RASGRF2: variants seen among roughly 807,000 people sequenced by gnomAD.
RASGRF2 encodes ras-specific guanine nucleotide-releasing factor 2.
Under a neutral mutation model 151.0 loss-of-function variants are expected in RASGRF2, and 76 were observed. That is an observed-to-expected ratio of 0.50 (90% CI 0.42 to 0.61). The LOEUF is 0.61. Ranked by LOEUF, RASGRF2 falls within the 20% of genes least tolerant of loss-of-function variation. The pLI is 0.00. For synonymous variants in RASGRF2, 504 were observed against 566.5 expected, an observed-to-expected ratio of 0.89 and a Z score of 1.57; for missense variants, 1,148 against 1,564.6, an observed-to-expected ratio of 0.73 and a Z score of 4.49.
At chr5:81,053,969 G>A (rs1223519568) in intron 2 of RASGRF2, among the ~76,000 whole-genome samples, 1 of 152,168 alleles carries the variant, frequency 6.6e-6, no homozygotes, top group Non-Finnish European at 1.5e-5. Flanking sequence ...TTGTTGATGG[G>A]GTTGTTTGTT....
intron 12 of RASGRF2, chr5:81,096,245 A>G (rs1752545717): frequency 6.6e-6 from 1 of 152,192 alleles, no homozygotes; most frequent in South Asian, 2.1e-4. Flanking sequence ...GTGGACTTGC[A>G]TCCTTGTGGT....
At chr5:81,166,303 CAG>C (rs1227881300) in intron 17 of RASGRF2, among the ~76,000 whole-genome samples, 1 of 152,122 alleles carries the variant, frequency 6.6e-6, no homozygotes, top group Non-Finnish European at 1.5e-5. Context: ...TCTCCTGCCT[CAG>C]ACTCCCAAGT....
chr5:81,068,296 C>A, intron 3 of RASGRF2, 117 bp downstream of exon 3: 2 of 1,214,700 alleles, frequency 1.6e-6, no homozygotes, highest in Non-Finnish European at 2.3e-6. Flanking sequence ...CCTCTGACAT[C>A]AACACATACG....
At chr5:80,999,445 C>G (rs143085916) in intron 1 of RASGRF2, among the ~76,000 whole-genome samples, 6 of 152,114 alleles carry the variant, frequency 3.9e-5, no homozygotes, top group African/African-American at 1.4e-4. Context: ...TGGGCTCAGG[C>G]GATCCTTCCA....
rs144261713 is a variant in RASGRF2 at position 81,144,234 on chromosome 5, A to G, written c.2686+17071A>G. Among the ~76,000 whole-genome samples the G allele has an allele frequency of 2.1e-3, 314 of 152,348 alleles. 3 individuals are homozygous for G. Among genetic ancestry groups the G allele is most frequent in the Admixed American group, 0.015 (229 of 15,308 alleles). On this transcript the variant is annotated intron_variant, in intron 17 of 26. Transcript: ENST00000265080. ...TTAAATGTGGTAGTCAAAGTAATCTATGGAAACATACTGCTTTTATATGCT... is the reference window on the plus strand; with the variant it reads ...TTAAATGTGGTAGTCAAAGTAATCTGTGGAAACATACTGCTTTTATATGCT...
chr5:81,123,664 G>A lies in RASGRF2; in HGVS notation c.2493G>A (p.Ala831=), dbSNP rs760955938. 2.1e-5 allele frequency: 34 copies of A among 1,613,734 alleles called. No individual in the cohort carries two copies. The African/African-American group carries it at 2.3e-4, about 11-fold the overall frequency. Residue 831 remains alanine (A), a synonymous_variant, in exon 16 of 27, where the codon GCG becomes GCA. Transcript: ENST00000265080. The part of the protein sequence containing the change: ...IQKAVLESAP[A]DRAGVESSPA... The stretch of plus-strand genomic sequence containing the variant: ...CAGCAGTCCTAGAGTCTGCACCAGC[G>A]GACCGAGCAGGAGTGGAAAGCTCCC...
chr5:81,028,947 A>G (rs1482247278), intron 1 of RASGRF2, among the ~76,000 whole-genome samples: 1 of 152,062 alleles, frequency 6.6e-6, no homozygotes, highest in East Asian at 1.9e-4. Flanking sequence ...GACACTCCCA[A>G]CCTAACACTG....
intron 17 of RASGRF2, among the ~76,000 whole-genome samples, chr5:81,174,033 C>A (rs1754718729): frequency 6.6e-6 from 1 of 152,102 alleles, no homozygotes; most frequent in Admixed American, 6.5e-5. Context: ...ATAACTGAAA[C>A]CCATATGTGT....
intron 1 of RASGRF2, among the ~76,000 whole-genome samples, chr5:81,008,984 A>T (rs1285405174): frequency 1.3e-5 from 2 of 152,140 alleles, no homozygotes; most frequent in South Asian, 4.1e-4. Flanking sequence ...TGGACTCATG[A>T]TCTGGTTGGC....
At chr5:81,151,340 G>C (rs1475055091) in intron 17 of RASGRF2, among the ~76,000 whole-genome samples, 4 of 151,150 alleles carry the variant, frequency 2.6e-5, no homozygotes, top group South Asian at 2.1e-4. Flanking sequence ...ATTCAGGATA[G>C]AGTTGAAAGG....
intron 8 of RASGRF2, 120 bp from the exon 9 acceptor site, chr5:81,086,715 A>AC (rs1014364442): frequency 5.1e-6 from 4 of 777,974 alleles, no homozygotes; most frequent in Non-Finnish European, 4.1e-6. Flanking sequence ...TTTCCCCCAA[A>AC]CCCCCGGTTC....
chr5:81,051,151 A>G (rs571119175), intron 2 of RASGRF2, among the ~76,000 whole-genome samples: 13 of 152,234 alleles, frequency 8.5e-5, no homozygotes, highest in African/African-American at 2.9e-4. Context: ...AGCTCTTTGT[A>G]TGACAAAAAT....
intron 8 of RASGRF2, 137 bp from the exon 9 acceptor site, chr5:81,086,698 C>T (rs764259932): frequency 1.5e-6 from 1 of 674,070 alleles, no homozygotes; most frequent in Non-Finnish European, 2.5e-6. Context: ...TGGAAAGATC[C>T]AGCCTATTTC....
chr5:81,172,447 G>A (rs1754678926), intron 17 of RASGRF2, among the ~76,000 whole-genome samples: 1 of 150,494 alleles, frequency 6.6e-6, no homozygotes, highest in Non-Finnish European at 1.5e-5. Context: ...GTGTGTGTGT[G>A]TGTGTGTGTG....
At chr5:81,162,023 G>A (rs933971894) in intron 17 of RASGRF2, among the ~76,000 whole-genome samples, 3 of 151,896 alleles carry the variant, frequency 2.0e-5, no homozygotes, top group Admixed American at 6.6e-5. Context: ...CTTAAAACGC[G>A]TAGCCTAACT....
At chr5:81,148,184 G>C (rs1212188868) in intron 17 of RASGRF2, among the ~76,000 whole-genome samples, 2 of 152,228 alleles carry the variant, frequency 1.3e-5, no homozygotes, top group Non-Finnish European at 2.9e-5. Context: ...CTCAGTGAGG[G>C]ACAGAGACTT....
chr5:81,047,855 G>A (rs893798070), intron 2 of RASGRF2, among the ~76,000 whole-genome samples: 1 of 152,258 alleles, frequency 6.6e-6, no homozygotes, highest in East Asian at 1.9e-4. Context: ...GACAGCTGTT[G>A]TTCATTCTCT....
At chr5:80,968,899 G>A (rs1368854054) in intron 1 of RASGRF2, among the ~76,000 whole-genome samples, 5 of 151,914 alleles carry the variant, frequency 3.3e-5, no homozygotes, top group South Asian at 2.1e-4. Context: ...GCCCAGGCTC[G>A]TCTTGAACTC....
intron 1 of RASGRF2, among the ~76,000 whole-genome samples, chr5:81,012,841 A>G (rs561120329): frequency 2.0e-5 from 3 of 152,092 alleles, no homozygotes; most frequent in African/African-American, 4.8e-5. Flanking sequence ...TATGGCCTTG[A>G]AAGACTGTGT....
Sources: gnomAD v4.1 joint callset for allele counts (sites outside exome capture counted in the v4.1 genomes callset) on GRCh38, gnomAD v4.1.1 for gene constraint, MANE v1.5 for transcripts, NCBI Gene and HGNC (gene_info 2026-07-23, HGNC 2026-07-21) for gene names.